The following FDFT1 variants were observed in gnomAD, a reference collection of about 807,000 sequenced individuals.
The protein encoded by FDFT1 is farnesyl-diphosphate farnesyltransferase 1.
In FDFT1, 68 loss-of-function variants were observed where a neutral mutation model predicts 46.8. The ratio of observed to expected loss-of-function variants is 1.45; its 90% CI spans 1.19 to 1.78. The LOEUF (loss-of-function observed/expected upper bound fraction) is 1.78, where lower values mean the gene tolerates loss of function less well. FDFT1 is among the 40% of genes most tolerant of loss of function. The pLI, the probability that FDFT1 is intolerant of heterozygous loss-of-function variation, is 0.00. For synonymous variants in FDFT1, 351 were observed against 185.1 expected (o/e 1.90, Z -7.28); for missense variants, 928 against 524.4 (o/e 1.77, Z -7.52).
chr8:11,825,921 C>G (rs1477090760), intron 4 of FDFT1, 103 bp from the exon 5 acceptor site: 2 of 620,004 alleles, frequency 3.2e-6, no homozygotes, highest in African/African-American at 3.7e-5. Flanking sequence ...TGCATTCTTA[C>G]CCATTCTCTT....
intron 3 of FDFT1, among the ~76,000 whole-genome samples, chr8:11,819,913 G>A (rs1808987400): frequency 6.6e-6 from 1 of 152,140 alleles, no homozygotes; most frequent in Non-Finnish European, 1.5e-5. Context: ...CGTTCCTTTG[G>A]AGGAGAAGAG....
rs546064441 is a variant in FDFT1, at chr8:11,815,714, G to C, written c.381+5864G>C. On this transcript the variant is annotated intron_variant, in intron 3 of 7. Coordinates refer to ENST00000220584, the MANE Select transcript of FDFT1 (RefSeq NM_004462.5). Reference sequence around the variant, plus strand: ...ATATCCTTTGCCCACTTATTGATGGGGTTGTTGATTTTCTTGTAAATTTTT... The same window carrying C: ...ATATCCTTTGCCCACTTATTGATGGCGTTGTTGATTTTCTTGTAAATTTTT... Among the ~76,000 whole-genome samples the C allele has an allele frequency of 3.9e-5, 6 of 152,188 alleles. No individual in the cohort carries two copies. The South Asian group carries it at 1.2e-3, about 32-fold the overall frequency.
At chr8:11,813,366 GTTAC>G (rs1372608368) in intron 3 of FDFT1, among the ~76,000 whole-genome samples, 10 of 152,092 alleles carry the variant, frequency 6.6e-5, no homozygotes, top group African/African-American at 2.2e-4. Flanking sequence ...TTTACTATGA[GTTAC>G]TTACTAAATA....
At chr8:11,803,143 G>A (rs1806354552) in intron 1 of FDFT1, 3 of 1,426,344 alleles carry the variant, frequency 2.1e-6, no homozygotes, top group Non-Finnish European at 2.8e-6. Context: ...CCCGCAAGCC[G>A]CCCTGGGCAT....
intron 7 of FDFT1, among the ~76,000 whole-genome samples, chr8:11,833,987 A>C (rs920129484): frequency 1.3e-5 from 2 of 152,260 alleles, no homozygotes; most frequent in African/African-American, 4.8e-5. Flanking sequence ...TTTACAAGTA[A>C]AGTTTTAAAT....
intron 5 of FDFT1, among the ~76,000 whole-genome samples, chr8:11,827,106 C>A (rs1020380442): frequency 2.6e-5 from 4 of 152,120 alleles, no homozygotes; most frequent in Admixed American, 1.3e-4. Context: ...TATGACTGTT[C>A]CCTGAATTTA....
At chr8:11,803,305 C>T (rs375041574) in intron 1 of FDFT1, 1 of 1,304,976 alleles carries the variant, frequency 7.7e-7, no homozygotes, top group Non-Finnish European at 1.0e-6. Flanking sequence ...TTTTGGTAAG[C>T]GGAATGAACT....
intron 3 of FDFT1, chr8:11,810,088 C>G: frequency 2.1e-6 from 1 of 476,972 alleles, no homozygotes; most frequent in Non-Finnish European, 3.7e-6. Context: ...GCCTCAGTTT[C>G]TTCATCTGTA....
intron 1 of FDFT1, among the ~76,000 whole-genome samples, chr8:11,797,192 G>T (rs1378448323): frequency 1.3e-5 from 2 of 152,174 alleles, no homozygotes; most frequent in African/African-American, 4.8e-5. Context: ...CCTCAATTTG[G>T]TCGGCTGTCT....
chr8:11,835,579 T>C (rs1328950867), intron 7 of FDFT1, among the ~76,000 whole-genome samples: 3 of 152,218 alleles, frequency 2.0e-5, no homozygotes, highest in Non-Finnish European at 2.9e-5. Flanking sequence ...TTGTTGGTTG[T>C]GTATATTCAC....
chr8:11,815,556 C>A (rs998843434), intron 3 of FDFT1, among the ~76,000 whole-genome samples: 2 of 152,142 alleles, frequency 1.3e-5, no homozygotes, highest in Non-Finnish European at 2.9e-5. Context: ...TTTAAATGAT[C>A]GCCATTGTAA....
At chr8:11,823,572 C>T (rs748871014) in intron 4 of FDFT1, among the ~76,000 whole-genome samples, 1 of 151,802 alleles carries the variant, frequency 6.6e-6, no homozygotes, top group Admixed American at 6.6e-5. Flanking sequence ...TACTTTCAGT[C>T]AGAGACGACT....
intron 7 of FDFT1, among the ~76,000 whole-genome samples, chr8:11,832,778 G>C (rs559529469): frequency 1.3e-5 from 2 of 152,048 alleles, no homozygotes; most frequent in South Asian, 2.1e-4. Flanking sequence ...GTGATCCTCA[G>C]GTGTGATCCT....
intron 1 of FDFT1, among the ~76,000 whole-genome samples, chr8:11,796,964 G>A (rs1785283126): frequency 6.6e-6 from 1 of 152,240 alleles, no homozygotes; most frequent in African/African-American, 2.4e-5. Context: ...GGGCAGTTGT[G>A]CAGTCAGATC....
At position 11,809,109 on chromosome 8, in the gene FDFT1, G is replaced by T. The variant is rs186391861; in HGVS notation, c.197+218G>T. ...GCGGGCCCAGCCTTTCAGAGAAGAGGGGGGAGGGGGTGATGTTTATTAACT... is the reference window on the plus strand; with the variant it reads ...GCGGGCCCAGCCTTTCAGAGAAGAGTGGGGAGGGGGTGATGTTTATTAACT... On this transcript the variant is annotated intron_variant, in intron 2 of 7. Coordinates refer to ENST00000220584, the MANE Select transcript of FDFT1 (RefSeq NM_004462.5). The T allele has an allele frequency of 1.8e-4, 227 of 1,283,986 alleles. No homozygotes were observed. The East Asian group carries it at 5.8e-3, about 33-fold the overall frequency. The allele number at this position is 1,283,986 out of a possible 1,614,324, so 79.5% of individuals were successfully genotyped here. A position where few individuals can be genotyped will look rare whatever the true frequency, so the allele number is the denominator to read the frequency against.
upstream of FDFT1, chr8:11,802,311 C>T (rs1806205973): frequency 5.0e-6 from 2 of 398,718 alleles, no homozygotes; most frequent in Non-Finnish European, 1.0e-5. Context: ...CCACCGAGGC[C>T]GGACACGTGG....
At chr8:11,798,620 C>A (rs137906815), upstream of FDFT1, among the ~76,000 whole-genome samples, 476 of 152,312 alleles carry the variant, frequency 3.1e-3, 2 homozygotes, top group African/African-American at 0.011. Flanking sequence ...TTAACGCTAT[C>A]CACAGGAGAA....
upstream of FDFT1, chr8:11,802,673 T>C: frequency 4.8e-6 from 3 of 630,452 alleles, no homozygotes; most frequent in Non-Finnish European, 8.3e-6. Flanking sequence ...CCGAGGCCGG[T>C]TGAAGTGGGC....
chr8:11,823,657 T>C (rs1809565745), intron 4 of FDFT1, among the ~76,000 whole-genome samples: 1 of 152,074 alleles, frequency 6.6e-6, no homozygotes, highest in African/African-American at 2.4e-5. Context: ...AGCCTTGACC[T>C]TCTGGGCTCA....
Sources: allele counts gnomAD v4.1 joint callset (sites outside exome capture counted in the v4.1 genomes callset), GRCh38; gene constraint gnomAD v4.1.1; transcripts MANE v1.5; gene names NCBI Gene and HGNC (gene_info 2026-07-23, HGNC 2026-07-21).